The following NAALADL2 variants were observed in gnomAD, a reference collection of about 807,000 sequenced individuals.
NAALADL2 encodes inactive N-acetylated-alpha-linked acidic dipeptidase-like protein 2.
A neutral mutation model predicts 87.2 loss-of-function variants in NAALADL2; 76 were observed. The ratio of observed to expected loss-of-function variants is 0.87; its 90% CI spans 0.72 to 1.05. NAALADL2 has a LOEUF of 1.05. Ranked by LOEUF, NAALADL2 falls within the 50% of genes least tolerant of loss-of-function variation. The pLI is 0.00. For synonymous variants in NAALADL2, 354 were observed against 331.0 expected (o/e 1.07, Z -0.75); for missense variants, 1,089 against 945.8 (o/e 1.15, Z -1.99).
intron 1 of NAALADL2, among the ~76,000 whole-genome samples, chr3:174,919,922 A>G (rs985502682): frequency 5.9e-5 from 9 of 151,984 alleles, no homozygotes; most frequent in Non-Finnish European, 1.3e-4. Flanking sequence ...CCTCCACTCC[A>G]CCTCTTGGGG....
intron 1 of NAALADL2, among the ~76,000 whole-genome samples, chr3:174,983,163 A>C (rs755378579): frequency 5.9e-5 from 9 of 152,198 alleles, no homozygotes; most frequent in Non-Finnish European, 1.2e-4. Flanking sequence ...GTCACATATG[A>C]AATTACAAAG....
intron 2 of NAALADL2, among the ~76,000 whole-genome samples, chr3:174,674,929 G>T (rs759644994): frequency 6.6e-6 from 1 of 151,894 alleles, no homozygotes; most frequent in African/African-American, 2.4e-5. Context: ...TCTGTTTTCT[G>T]TCAGTCAGTA....
rs185560683 is a variant in NAALADL2 at position 175,332,961 on chromosome 3, A to G, written c.1090+8636A>G. Among the ~76,000 whole-genome samples, 25 of 152,298 alleles carry G rather than the reference A, an allele frequency of 1.6e-4. No homozygotes were observed. In the East Asian group the frequency reaches 4.8e-3, roughly 29 times the overall value. On this transcript the variant is annotated intron_variant, in intron 5 of 13. Coordinates refer to ENST00000454872, the MANE Select transcript of NAALADL2 (RefSeq NM_207015.3). ...TTACATTTTCTTGGTGAATTGACCC[A>G]TTTATCAATATGTAATAATATATCC... is the stretch of plus-strand genomic sequence containing the variant.
At chr3:175,109,285 A>T (rs1325816816) in intron 2 of NAALADL2, among the ~76,000 whole-genome samples, 1 of 151,890 alleles carries the variant, frequency 6.6e-6, no homozygotes, top group Non-Finnish European at 1.5e-5. Flanking sequence ...AACACCTGAT[A>T]GCCTATCATC....
At chr3:174,613,669 C>G (rs766538259) in intron 2 of NAALADL2, among the ~76,000 whole-genome samples, 2 of 152,128 alleles carry the variant, frequency 1.3e-5, no homozygotes, top group Non-Finnish European at 2.9e-5. Context: ...CTGAGACTTA[C>G]CTTCAGGGCA....
chr3:174,622,974 C>T (rs566551641), intron 2 of NAALADL2, among the ~76,000 whole-genome samples: 17 of 152,178 alleles, frequency 1.1e-4, no homozygotes, highest in Admixed American at 8.5e-4. Flanking sequence ...ACCCAGGAGG[C>T]GGAGCTTGCA....
chr3:174,701,258 T>A (rs1729529732), intron 2 of NAALADL2, among the ~76,000 whole-genome samples: 1 of 151,358 alleles, frequency 6.6e-6, no homozygotes, highest in South Asian at 2.1e-4. Context: ...CTTATAATTA[T>A]TATATCAAAT....
intron 9 of NAALADL2, among the ~76,000 whole-genome samples, chr3:175,516,652 C>G (rs552463193): frequency 6.6e-6 from 1 of 152,202 alleles, no homozygotes; most frequent in East Asian, 1.9e-4. Flanking sequence ...TGAGGAGTAT[C>G]TTTATATTTT....
At chr3:174,713,942 T>G (rs1399392291) in intron 2 of NAALADL2, among the ~76,000 whole-genome samples, 1 of 152,148 alleles carries the variant, frequency 6.6e-6, no homozygotes, top group Admixed American at 6.5e-5. Context: ...AGGTCTAACA[T>G]TTAAGTCTTT....
At chr3:175,135,971 T>C (rs1560076130) in intron 2 of NAALADL2, among the ~76,000 whole-genome samples, 1 of 152,170 alleles carries the variant, frequency 6.6e-6, no homozygotes, top group African/African-American at 2.4e-5. Context: ...ATGTAAATTA[T>C]ATGCAGACCC....
Position 174,638,608 on chromosome 3 carries a change from A to G in NAALADL2, c.-115+87971A>G, listed in dbSNP as rs910807136. Among the ~76,000 whole-genome samples the G allele has an allele frequency of 1.3e-4, 20 of 152,248 alleles. No homozygotes were observed. The South Asian group carries it at 1.5e-3, about 11-fold the overall frequency. ...CAGGTTTTTTTTTAAAAAAAACTTG[A>G]TAATATTATGTTAACACTATGAATA... is the stretch of plus-strand genomic sequence containing the variant. On this transcript the variant is annotated intron_variant, in intron 2 of 3. Coordinates refer to the NAALADL2 transcript ENST00000434257.
At position 174,745,633 on chromosome 3, in the gene NAALADL2, G is replaced by A. The variant is rs577168774; in HGVS notation, c.-9+7887G>A. On this transcript the variant is annotated intron_variant, in intron 3 of 3. Transcript: ENST00000434257. ...CATCAAAACCTGGTAGAGATACAAC[G>A]ACAACAAAAAGAAAACTTCAGCCAA... Among the ~76,000 whole-genome samples, 6 of 151,954 alleles carry A rather than the reference G, an allele frequency of 3.9e-5. No individual in the cohort carries two copies. In the East Asian group the frequency reaches 5.8e-4, roughly 15 times the overall value.
At chr3:174,640,650 C>G (rs190849040) in intron 2 of NAALADL2, among the ~76,000 whole-genome samples, 83 of 152,336 alleles carry the variant, frequency 5.4e-4, no homozygotes, top group African/African-American at 1.9e-3. Context: ...TAGAGCCAAT[C>G]TGGCCAGGGT....
intron 2 of NAALADL2, among the ~76,000 whole-genome samples, chr3:174,713,330 T>G (rs945171973): frequency 2.0e-5 from 3 of 152,194 alleles, no homozygotes; most frequent in Non-Finnish European, 2.9e-5. Flanking sequence ...GTAATGGGAT[T>G]GGTGGGTCAA....
chr3:174,654,512 T>A (rs937842713), intron 2 of NAALADL2, among the ~76,000 whole-genome samples: 1 of 152,002 alleles, frequency 6.6e-6, no homozygotes, highest in Admixed American at 6.6e-5. Flanking sequence ...ATAGATGAGA[T>A]CTGGCAAAAA....
At chr3:175,775,170 G>C (rs1050991717) in intron 13 of NAALADL2, 4 of 151,102 alleles carry the variant, frequency 2.6e-5, no homozygotes, top group Non-Finnish European at 5.9e-5. Context: ...TGTGATAGTG[G>C]ATGGCAAATA....
At chr3:174,875,600 T>C (rs1018140055) in intron 1 of NAALADL2, among the ~76,000 whole-genome samples, 1 of 152,174 alleles carries the variant, frequency 6.6e-6, no homozygotes, top group Admixed American at 6.5e-5. Flanking sequence ...TACATCCTAA[T>C]ATATTCCTGT....
At chr3:175,090,774 T>A (rs2108316906) in intron 1 of NAALADL2, among the ~76,000 whole-genome samples, 1 of 152,262 alleles carries the variant, frequency 6.6e-6, no homozygotes, top group Admixed American at 6.5e-5. Flanking sequence ...ACTGACTAAT[T>A]TATTTTTCTA....
At chr3:174,513,426 T>G (rs537895057) in intron 1 of NAALADL2, 30 of 152,316 alleles carry the variant, frequency 2.0e-4, no homozygotes, top group African/African-American at 6.7e-4. Context: ...ATATTTAAAT[T>G]ATAGTTAATT....
Sources: allele counts gnomAD v4.1 joint callset (sites outside exome capture counted in the v4.1 genomes callset), GRCh38; gene constraint gnomAD v4.1.1; transcripts MANE v1.5; gene names NCBI Gene and HGNC (gene_info 2026-07-23, HGNC 2026-07-21).